Variants in SCMH1 observed in about 807,000 individuals in gnomAD.
The protein encoded by SCMH1 is Scm polycomb group protein homolog 1.
A neutral mutation model predicts 70.8 loss-of-function variants in SCMH1; 37 were observed. That is an observed-to-expected ratio of 0.52 (90% CI 0.40 to 0.69). The LOEUF is 0.69. Ranked by LOEUF, SCMH1 falls within the 30% of genes least tolerant of loss-of-function variation. The pLI is 0.00. For missense variants in SCMH1, 607 were observed against 827.3 expected (o/e 0.73, Z 3.27); for synonymous variants, 292 against 307.4 (o/e 0.95, Z 0.52).
intron 1 of SCMH1, among the ~76,000 whole-genome samples, chr1:41,234,110 T>G (rs898926831): frequency 1.3e-5 from 2 of 152,188 alleles, no homozygotes; most frequent in African/African-American, 4.8e-5. Flanking sequence ...CTCCTCACCC[T>G]CTATCTGGTG....
intron 2 of SCMH1, among the ~76,000 whole-genome samples, chr1:41,174,582 T>C (rs1361897156): frequency 6.6e-6 from 1 of 152,162 alleles, no homozygotes; most frequent in Non-Finnish European, 1.5e-5. Context: ...ATGAGGTTCT[T>C]GCAGAAGGCA....
At chr1:41,139,830 G>T (rs1643885837) in intron 6 of SCMH1, among the ~76,000 whole-genome samples, 1 of 152,018 alleles carries the variant, frequency 6.6e-6, no homozygotes, top group African/African-American at 2.4e-5. Context: ...AATATACTCT[G>T]TTTTATAGAC....
At chr1:41,204,046 A>T (rs1291804466) in intron 1 of SCMH1, among the ~76,000 whole-genome samples, 3 of 152,138 alleles carry the variant, frequency 2.0e-5, no homozygotes, top group African/African-American at 7.2e-5. Context: ...ACTAGTCTAT[A>T]AGGCAGGCAC....
chr1:41,102,647 T>C (rs1343288227), intron 8 of SCMH1, among the ~76,000 whole-genome samples: 16 of 152,186 alleles, frequency 1.1e-4, no homozygotes, highest in Non-Finnish European at 2.4e-4. Context: ...TCATGCATGA[T>C]AGGACCACAA....
intron 6 of SCMH1, among the ~76,000 whole-genome samples, chr1:41,140,088 T>C (rs1643905186): frequency 1.3e-5 from 2 of 151,996 alleles, no homozygotes; most frequent in Admixed American, 6.5e-5. Flanking sequence ...ATCAAACTGG[T>C]GGTAGTGTTG....
At chr1:41,044,355 C>T (rs1458533042) in intron 12 of SCMH1, among the ~76,000 whole-genome samples, 2 of 152,064 alleles carry the variant, frequency 1.3e-5, no homozygotes, top group African/African-American at 2.4e-5. Flanking sequence ...AGATCGAGCT[C>T]TTTGGCAGAG....
At chr1:41,059,366 GA>G (rs917774698) in intron 10 of SCMH1, among the ~76,000 whole-genome samples, 2 of 152,198 alleles carry the variant, frequency 1.3e-5, no homozygotes, top group African/African-American at 2.4e-5. Flanking sequence ...ATGAGCAGAA[GA>G]GTGGCAGAAT....
intron 2 of SCMH1, among the ~76,000 whole-genome samples, chr1:41,183,859 A>G (rs1572903656): frequency 6.6e-6 from 1 of 151,958 alleles, no homozygotes; most frequent in South Asian, 2.1e-4. Context: ...TGCAGATAAT[A>G]TGTCATTTAT....
At chr1:41,140,379 G>C (rs994266853) in intron 6 of SCMH1, among the ~76,000 whole-genome samples, 1 of 150,794 alleles carries the variant, frequency 6.6e-6, no homozygotes, top group Admixed American at 6.6e-5. Flanking sequence ...TGCAACCTTC[G>C]CCTCCCGGGT....
At chr1:41,054,135 C>T (rs965411551) in intron 10 of SCMH1, among the ~76,000 whole-genome samples, 2 of 152,038 alleles carry the variant, frequency 1.3e-5, no homozygotes, top group Admixed American at 6.6e-5. Flanking sequence ...TGAACCACCG[C>T]GCCCGGCCTA....
intron 8 of SCMH1, among the ~76,000 whole-genome samples, chr1:41,093,158 T>C (rs2149041136): frequency 6.6e-6 from 1 of 151,608 alleles, no homozygotes; most frequent in African/African-American, 2.4e-5. Context: ...ATTAAGAAAA[T>C]GTGGCACACG....
chr1:41,035,732 C>G (rs184407151), intron 13 of SCMH1, among the ~76,000 whole-genome samples: 1 of 152,166 alleles, frequency 6.6e-6, no homozygotes, highest in East Asian at 1.9e-4. Context: ...TGCTGACATA[C>G]GTGCTTGAAG....
At chr1:41,173,582 TACCA>T (rs1489062827) in intron 2 of SCMH1, among the ~76,000 whole-genome samples, 2 of 152,148 alleles carry the variant, frequency 1.3e-5, no homozygotes, top group Non-Finnish European at 2.9e-5. Flanking sequence ...AAAAGAATAC[TACCA>T]TATGATCCAG....
At chr1:41,212,825 T>TA in intron 1 of SCMH1, among the ~76,000 whole-genome samples, 1 of 152,272 alleles carries the variant, frequency 6.6e-6, no homozygotes, top group Non-Finnish European at 1.5e-5. Flanking sequence ...AATTAATTTT[T>TA]AAAAATACAT....
intron 1 of SCMH1, among the ~76,000 whole-genome samples, chr1:41,199,531 G>C (rs1275497574): frequency 6.6e-6 from 1 of 152,054 alleles, no homozygotes; most frequent in African/African-American, 2.4e-5. Context: ...TTCCCATTTA[G>C]ATTTTTTTTA....
At chr1:41,163,255 G>A (rs944630111) in intron 2 of SCMH1, among the ~76,000 whole-genome samples, 5 of 152,148 alleles carry the variant, frequency 3.3e-5, no homozygotes, top group Admixed American at 3.3e-4. Flanking sequence ...CCCACTTGCG[G>A]CAGGAGCTGG....
chr1:41,182,454 T>C (rs142741640), intron 2 of SCMH1, among the ~76,000 whole-genome samples: 2 of 152,300 alleles, frequency 1.3e-5, no homozygotes, highest in East Asian at 3.9e-4. Context: ...CGGTGGCCCA[T>C]GCCTGTTATC....
intron 10 of SCMH1, among the ~76,000 whole-genome samples, chr1:41,065,797 C>T (rs1654392851): frequency 6.6e-6 from 1 of 152,132 alleles, no homozygotes; most frequent in Non-Finnish European, 1.5e-5. Flanking sequence ...AACCTACACT[C>T]TTGAAAAAAA....
At chr1:41,097,294 C>T (rs1413747816) in intron 8 of SCMH1, among the ~76,000 whole-genome samples, 3 of 152,300 alleles carry the variant, frequency 2.0e-5, no homozygotes, top group South Asian at 2.1e-4. Context: ...CACGGTCTAC[C>T]TCCAACTCAG....
Sources: allele counts gnomAD v4.1 joint callset (sites outside exome capture counted in the v4.1 genomes callset), GRCh38; gene constraint gnomAD v4.1.1; transcripts MANE v1.5; gene names NCBI Gene and HGNC (gene_info 2026-07-23, HGNC 2026-07-21).